The following IQCJ variants were observed in gnomAD, a reference collection of about 807,000 sequenced individuals.
IQCJ encodes the protein IQ motif containing J.
A neutral mutation model predicts 11.0 loss-of-function variants in IQCJ; 9 were observed. The observed-to-expected ratio is 0.82, with a 90% CI of 0.49 to 1.43. The LOEUF (loss-of-function observed/expected upper bound fraction) is 1.43. IQCJ is among the 40% of genes most tolerant of loss of function. The probability of loss-of-function intolerance (pLI) is 0.00; values close to 1 mark genes in which losing one functional copy is unlikely to be tolerated. For synonymous variants in IQCJ, 55 were observed against 51.3 expected, an observed-to-expected ratio of 1.07 and a Z score of -0.31; for missense variants, 146 against 133.2, an observed-to-expected ratio of 1.10 and a Z score of -0.47.
intron 3 of IQCJ, among the ~76,000 whole-genome samples, chr3:159,261,171 G>A (rs1728181199): frequency 6.6e-6 from 1 of 152,182 alleles, no homozygotes; most frequent in African/African-American, 2.4e-5. Context: ...CAACTTTAAT[G>A]ACATAGGTTG....
At position 159,263,054 on chromosome 3, in the gene IQCJ, T is replaced by A. The variant is rs1728309466; in HGVS notation, c.*323T>A. Reference sequence around the variant, plus strand: ...AGAAGATAAGATTGGTTATAAGGAGTAGAAAGAGAACTTTTACCAGAAGAA... The same window carrying A: ...AGAAGATAAGATTGGTTATAAGGAGAAGAAAGAGAACTTTTACCAGAAGAA... On this transcript the variant is annotated 3_prime_UTR_variant, in exon 4 of 4. Coordinates refer to ENST00000397832, the MANE Select transcript of IQCJ (RefSeq NM_001042706.3). 1 of 1,008,844 alleles carries A rather than the reference T, an allele frequency of 9.9e-7. No individual in the cohort carries two copies. The highest frequency in any genetic ancestry group is 1.2e-6 in the Non-Finnish European group (1 of 844,604). The allele number at this position is 1,008,844 out of a possible 1,614,324, so 62.5% of individuals were successfully genotyped here.
chr3:159,214,635 T>C (rs1164309346), intron 1 of IQCJ, among the ~76,000 whole-genome samples: 2 of 152,172 alleles, frequency 1.3e-5, no homozygotes, highest in Admixed American at 6.5e-5. Flanking sequence ...TCACATATGT[T>C]CTAACTTCCT....
At chr3:159,135,699 C>T (rs916021047) in intron 1 of IQCJ, among the ~76,000 whole-genome samples, 14 of 152,062 alleles carry the variant, frequency 9.2e-5, no homozygotes, top group Admixed American at 7.9e-4. Context: ...GGAGTAATAC[C>T]GATCACTTCT....
chr3:159,201,913 C>T (rs1028839994), intron 1 of IQCJ, among the ~76,000 whole-genome samples: 2 of 152,068 alleles, frequency 1.3e-5, no homozygotes, highest in Admixed American at 1.3e-4. Flanking sequence ...GACTTGCCCT[C>T]GTGGAGCTTA....
At chr3:159,090,938 T>C (rs1717231928) in intron 1 of IQCJ, among the ~76,000 whole-genome samples, 1 of 151,992 alleles carries the variant, frequency 6.6e-6, no homozygotes, top group Non-Finnish European at 1.5e-5. Flanking sequence ...TCTTTCTTAA[T>C]TTCCCCAGTT....
chr3:159,173,659 C>G (rs995114426), intron 1 of IQCJ, among the ~76,000 whole-genome samples: 2 of 152,110 alleles, frequency 1.3e-5, no homozygotes, highest in African/African-American at 4.8e-5. Flanking sequence ...TCTCTACTGT[C>G]TTTTGACTCC....
At chr3:159,090,876 A>C (rs1717228349) in intron 1 of IQCJ, among the ~76,000 whole-genome samples, 1 of 151,940 alleles carries the variant, frequency 6.6e-6, no homozygotes, top group South Asian at 2.1e-4. Flanking sequence ...ATGTGGACAT[A>C]ACATAAAAGC....
chr3:159,124,802 G>A (rs887580726), intron 1 of IQCJ, among the ~76,000 whole-genome samples: 2 of 152,174 alleles, frequency 1.3e-5, no homozygotes, highest in Non-Finnish European at 2.9e-5. Flanking sequence ...ATGTATGAAT[G>A]ACTCAATGTG....
At chr3:159,166,719 G>A (rs1722185636) in intron 1 of IQCJ, among the ~76,000 whole-genome samples, 1 of 152,154 alleles carries the variant, frequency 6.6e-6, no homozygotes, top group South Asian at 2.1e-4. Flanking sequence ...TCAGGTTACA[G>A]GAGTACTTTA....
At chr3:159,260,302 A>G (rs1424809098) in intron 3 of IQCJ, among the ~76,000 whole-genome samples, 2 of 152,106 alleles carry the variant, frequency 1.3e-5, no homozygotes, top group Admixed American at 1.3e-4. Flanking sequence ...TGGCCACTAT[A>G]TTTTGTTTTT....
chr3:159,239,555 T>C (rs1467948383), intron 1 of IQCJ, among the ~76,000 whole-genome samples: 1 of 152,206 alleles, frequency 6.6e-6, no homozygotes, highest in East Asian at 1.9e-4. Flanking sequence ...CTAATCATGA[T>C]GCAGGGGGAA....
intron 2 of IQCJ, among the ~76,000 whole-genome samples, chr3:159,252,109 C>G (rs1727637586): frequency 6.6e-6 from 1 of 152,174 alleles, no homozygotes. Flanking sequence ...GCCCTTCACT[C>G]TCAACTTACC....
chr3:159,257,264 T>C (rs1199103176), intron 3 of IQCJ, among the ~76,000 whole-genome samples: 1 of 152,192 alleles, frequency 6.6e-6, no homozygotes, highest in East Asian at 1.9e-4. Flanking sequence ...GATACTCTTC[T>C]TTTTGGATGT....
intron 1 of IQCJ, among the ~76,000 whole-genome samples, chr3:159,176,371 T>G (rs2108004562): frequency 6.6e-6 from 1 of 152,190 alleles, no homozygotes; most frequent in East Asian, 1.9e-4. Flanking sequence ...GATATACCCA[T>G]TTTAGAATAC....
In IQCJ at chr3:159,235,864, A is replaced by G. The variant is rs1422889283; in HGVS notation, c.10-9979A>G. Among the ~76,000 whole-genome samples, 2 of 152,208 alleles carry G rather than the reference A, an allele frequency of 1.3e-5. 1 individual carries two copies. Among genetic ancestry groups the G allele is most frequent in the Non-Finnish European group, 2.9e-5 (2 of 68,034 alleles). ...ACAACAATTTTCAATTTTCATAGGC[A>G]TATCTTATGTTTGTAAGTTTCTAAG... On this transcript the variant is annotated intron_variant, in intron 1 of 3. Coordinates refer to ENST00000397832, the MANE Select transcript of IQCJ (RefSeq NM_001042706.3).
chr3:159,126,286 G>A (rs1255425386), intron 1 of IQCJ, among the ~76,000 whole-genome samples: 1 of 152,154 alleles, frequency 6.6e-6, no homozygotes, highest in Non-Finnish European at 1.5e-5. Context: ...AAAAAGCAGG[G>A]ATAGAAATTC....
At position 159,078,211 on chromosome 3, in the gene IQCJ, A is replaced by G. The variant is rs145484457; in HGVS notation, c.9+8770A>G. ...TTATTAATGCTAAACATGGGGAAAT[A>G]TTACACAGGGGACTTTTTTACATTA... On this transcript the variant is annotated intron_variant, in intron 1 of 3. Coordinates refer to ENST00000397832, the MANE Select transcript of IQCJ (RefSeq NM_001042706.3). Among the ~76,000 whole-genome samples, 974 of 150,394 alleles carry G rather than the reference A, an allele frequency of 6.5e-3. 7 individuals carry two copies. The highest frequency in any genetic ancestry group is 0.021 in the African/African-American group (885 of 41,350).
At chr3:159,186,929 G>A (rs1475439051) in intron 1 of IQCJ, among the ~76,000 whole-genome samples, 1 of 152,156 alleles carries the variant, frequency 6.6e-6, no homozygotes, top group East Asian at 1.9e-4. Flanking sequence ...AACAAGCCTC[G>A]AGGTGAGGGC....
chr3:159,249,967 A>G (rs1183233292), intron 2 of IQCJ, among the ~76,000 whole-genome samples: 3 of 152,128 alleles, frequency 2.0e-5, no homozygotes, highest in African/African-American at 7.2e-5. Context: ...AACAGAGAAG[A>G]GCAATTGGTA....
Sources: allele counts gnomAD v4.1 joint callset (sites outside exome capture counted in the v4.1 genomes callset), GRCh38; gene constraint gnomAD v4.1.1; transcripts MANE v1.5; gene names NCBI Gene and HGNC (gene_info 2026-07-23, HGNC 2026-07-21).